RAPGEF1: variants seen among roughly 807,000 people sequenced by gnomAD.
The protein encoded by RAPGEF1 is Rap guanine nucleotide exchange factor 1.
In RAPGEF1, 33 loss-of-function variants were observed where a neutral mutation model predicts 143.3. The ratio of observed to expected loss-of-function variants is 0.23; its 90% CI spans 0.17 to 0.31. RAPGEF1 has a LOEUF of 0.31. RAPGEF1 is among the 10% of genes least tolerant of loss of function. RAPGEF1 has a pLI of 1.00. For synonymous variants in RAPGEF1, 629 were observed against 676.5 expected (o/e 0.93, Z 1.09); for missense variants, 1,199 against 1,645.4 (o/e 0.73, Z 4.69).
At position 131,611,844 on chromosome 9, in the gene RAPGEF1, A is replaced by C. The variant is rs200401541; in HGVS notation, c.2062-6656T>G. Among the ~76,000 whole-genome samples the C allele has an allele frequency of 4.6e-5, 7 of 152,308 alleles. No individual in the cohort carries two copies. In the East Asian group the frequency reaches 1.3e-3, roughly 29 times the overall value. On this transcript the variant is annotated intron_variant, in intron 12 of 26. Coordinates refer to ENST00000683357, the MANE Select transcript of RAPGEF1 (RefSeq NM_001377935.1). ...TTGACCCAGCCTTACGAGATCTCAA[A>C]ATTTATTTGGCAATTAAGCAGTTCA...
chr9:131,684,052 T>G (rs1020728621), intron 1 of RAPGEF1, among the ~76,000 whole-genome samples: 1 of 152,262 alleles, frequency 6.6e-6, no homozygotes, highest in African/African-American at 2.4e-5. Flanking sequence ...TTAACCCATG[T>G]TAGTGCCTCT....
chr9:131,699,002 A>G lies in RAPGEF1; in HGVS notation c.61+40768T>C, dbSNP rs556662725. On this transcript the variant is annotated intron_variant, in intron 1 of 26. Transcript: ENST00000683357. Reference sequence around the variant, plus strand: ...ATCAGGACTTCTCTCTCGTCCGGCAATTCTCCTGGTCTTGAGCGATGTTTC... The same window carrying G: ...ATCAGGACTTCTCTCTCGTCCGGCAGTTCTCCTGGTCTTGAGCGATGTTTC... Among the ~76,000 whole-genome samples the G allele has an allele frequency of 3.9e-5, 6 of 152,312 alleles. No homozygotes were observed. The East Asian group carries it at 9.6e-4, about 24-fold the overall frequency.
At chr9:131,635,422 A>G (rs1185359071) in intron 5 of RAPGEF1, among the ~76,000 whole-genome samples, 1 of 152,132 alleles carries the variant, frequency 6.6e-6, no homozygotes, top group African/African-American at 2.4e-5. Context: ...TTGAAAAAAA[A>G]AAAAAGAGGA....
At chr9:131,605,279 G>T in intron 12 of RAPGEF1, 91 bp from the exon 13 acceptor site, 1 of 1,117,058 alleles carries the variant, frequency 9.0e-7, no homozygotes, top group Non-Finnish European at 1.2e-6. Flanking sequence ...AGCAGTGACA[G>T]GCCGTTCACA....
chr9:131,626,539 C>A (rs1413626648), intron 9 of RAPGEF1, 117 bp from the exon 10 acceptor site: 3 of 1,004,450 alleles, frequency 3.0e-6, no homozygotes, highest in Non-Finnish European at 4.3e-6. Flanking sequence ...AGACCTGTCT[C>A]CAGGGCTTAT....
intron 1 of RAPGEF1, among the ~76,000 whole-genome samples, chr9:131,734,952 T>C (rs1024090227): frequency 4.6e-5 from 7 of 152,132 alleles, no homozygotes; most frequent in Non-Finnish European, 1.0e-4. Context: ...TGCTCCAAGG[T>C]GACAGGAGCT....
At chr9:131,702,095 T>A (rs1315092573) in intron 1 of RAPGEF1, among the ~76,000 whole-genome samples, 1 of 152,392 alleles carries the variant, frequency 6.6e-6, no homozygotes, top group Middle Eastern at 3.4e-3. Flanking sequence ...AACAATTGAA[T>A]TGATGCTCTT....
intron 1 of RAPGEF1, among the ~76,000 whole-genome samples, chr9:131,692,999 A>G (rs1191319039): frequency 1.3e-5 from 2 of 152,220 alleles, no homozygotes; most frequent in Non-Finnish European, 2.9e-5. Context: ...GACCCTGGCT[A>G]AGGGGCATAC....
chr9:131,626,061 G>A lies in RAPGEF1; in HGVS notation c.1563C>T (p.Tyr521=), dbSNP rs369606418. Residue 521 remains tyrosine (Y), a synonymous_variant, in exon 10 of 27, where the codon TAC becomes TAT. Transcript: ENST00000683357. ...AGGGCAGAATAGCAGCAAAGGGCGC[G>A]TAGGGGACGGATGGGATCGGGGCTG... ...QSTAPIPSVP[Y]APFAAILPFQ... The A allele has an allele frequency of 2.5e-5, 41 of 1,613,770 alleles. No individual in the cohort carries two copies. The East Asian group carries it at 5.1e-4, about 20-fold the overall frequency.
chr9:131,709,534 G>A (rs1835355357), intron 1 of RAPGEF1: 1 of 1,254,486 alleles, frequency 8.0e-7, no homozygotes, highest in South Asian at 1.3e-5. Context: ...GATTCCCCAG[G>A]CACTTCAGCT....
In RAPGEF1 at chr9:131,676,387, G is replaced by C. The variant is rs564934619; in HGVS notation, c.62-25438C>G. Among the ~76,000 whole-genome samples, 3 of 152,348 alleles carry C rather than the reference G, an allele frequency of 2.0e-5. No homozygotes were observed. In the South Asian group the frequency reaches 6.2e-4, roughly 32 times the overall value. ...GTGTGGGGGACTGAGTCCCCTTCAA[G>C]GCAGCTGAGCCCCAAGCACCCCGGC... On this transcript the variant is annotated intron_variant, in intron 1 of 26. Transcript: ENST00000683357.
rs552841314 is a variant in RAPGEF1 at position 131,641,946 on chromosome 9, T to C, written c.494+1293A>G. Reference sequence around the variant, plus strand: ...CAGAAGAAGAAAACTATGAACTTCATTGCCAAGTTCTGAAAGCAGTTCATA... The same window carrying C: ...CAGAAGAAGAAAACTATGAACTTCACTGCCAAGTTCTGAAAGCAGTTCATA... On this transcript the variant is annotated intron_variant, in intron 4 of 26. Coordinates refer to ENST00000683357, the MANE Select transcript of RAPGEF1 (RefSeq NM_001377935.1). This position sits in a 1 kb window ranked among gnomAD's most constrained non-coding sequence, Gnocchi z 4.6. Among the ~76,000 whole-genome samples, 1 of 152,238 alleles carries C rather than the reference T, an allele frequency of 6.6e-6. No homozygotes were observed. The highest frequency in any genetic ancestry group is 1.5e-5 in the Non-Finnish European group (1 of 68,034).
At chr9:131,649,488 C>G (rs1970546626) in intron 3 of RAPGEF1, among the ~76,000 whole-genome samples, 1 of 152,168 alleles carries the variant, frequency 6.6e-6, no homozygotes, top group Non-Finnish European at 1.5e-5. Flanking sequence ...GCATTCAAAT[C>G]TTGACTTTGC....
At chr9:131,648,463 A>C (rs1221741545) in intron 3 of RAPGEF1, among the ~76,000 whole-genome samples, 1 of 152,204 alleles carries the variant, frequency 6.6e-6, no homozygotes, top group Non-Finnish European at 1.5e-5. Flanking sequence ...TGAGTGGCCG[A>C]ACAGTTTCAT....
chr9:131,700,791 G>C (rs144673870), intron 1 of RAPGEF1, among the ~76,000 whole-genome samples: 1 of 152,174 alleles, frequency 6.6e-6, no homozygotes, highest in African/African-American at 2.4e-5. Context: ...TGTGTGTGCC[G>C]GAGAAGCCAG....
At chr9:131,704,282 G>A (rs1329365170) in intron 1 of RAPGEF1, among the ~76,000 whole-genome samples, 2 of 149,920 alleles carry the variant, frequency 1.3e-5, no homozygotes, top group East Asian at 1.9e-4. Context: ...GCTATCTAGT[G>A]TGCAGAGGCA....
At chr9:131,700,360 A>T (rs1472884918) in intron 1 of RAPGEF1, among the ~76,000 whole-genome samples, 1 of 152,090 alleles carries the variant, frequency 6.6e-6, no homozygotes, top group Non-Finnish European at 1.5e-5. Context: ...CCTTTCCATC[A>T]CATGTAAAAC....
At chr9:131,657,270 C>G (rs1972743856) in intron 1 of RAPGEF1, among the ~76,000 whole-genome samples, 1 of 152,290 alleles carries the variant, frequency 6.6e-6, no homozygotes, top group African/African-American at 2.4e-5. Context: ...GACAGATGCA[C>G]TCTCCCTGCC....
intron 1 of RAPGEF1, among the ~76,000 whole-genome samples, chr9:131,727,843 G>T (rs147508304): frequency 6.6e-6 from 1 of 152,274 alleles, no homozygotes; most frequent in Non-Finnish European, 1.5e-5. Context: ...ATGCAGAAAA[G>T]CATGCTTTTG....
Sources: allele counts gnomAD v4.1 joint callset (sites outside exome capture counted in the v4.1 genomes callset), GRCh38; gene constraint gnomAD v4.1.1; non-coding constraint Gnocchi (gnomAD v3.1); transcripts MANE v1.5; gene names NCBI Gene and HGNC (gene_info 2026-07-23, HGNC 2026-07-21).